TSPAN16: variants seen among roughly 807,000 people sequenced by gnomAD.
TSPAN16 encodes tetraspanin 16.
Under a neutral mutation model 25.2 loss-of-function variants are expected in TSPAN16, and 23 were observed. The ratio of observed to expected loss-of-function variants is 0.91; its 90% CI spans 0.66 to 1.29. The LOEUF is 1.29. Among genes scored for constraint, TSPAN16 ranks in the 50% most tolerant of loss-of-function variants. The pLI, the probability that TSPAN16 is intolerant of heterozygous loss-of-function variation, is 0.00. For missense variants in TSPAN16, 272 were observed against 299.9 expected (o/e 0.91, Z 0.69); for synonymous variants, 123 against 124.4 (o/e 0.99, Z 0.08).
At chr19:11,302,678 T>TACACATACATATATATATATATATATAC (rs2080574104) in intron 4 of TSPAN16, among the ~76,000 whole-genome samples, 41 of 126,542 alleles carry the variant, frequency 3.2e-4, no homozygotes, top group Non-Finnish European at 4.9e-4. Flanking sequence ...TATATATATA[T>TACACATACATATATATATATATATATAC]ACACACACAC....
At chr19:11,303,869 C>T (rs1439368938) in intron 4 of TSPAN16, among the ~76,000 whole-genome samples, 2 of 151,466 alleles carry the variant, frequency 1.3e-5, no homozygotes, top group Non-Finnish European at 2.9e-5. Flanking sequence ...CTGCAACCTC[C>T]GCCTCCTGGG....
intron 6 of TSPAN16, chr19:11,325,378 TG>T: frequency 9.2e-7 from 1 of 1,083,164 alleles, no homozygotes; most frequent in Non-Finnish European, 1.2e-6. Flanking sequence ...GAGGGGTGGG[TG>T]GGGGGTTGGG....
At chr19:11,298,433 C>CT in intron 2 of TSPAN16, 94 bp downstream of exon 2, 5 of 1,236,976 alleles carry the variant, frequency 4.0e-6, no homozygotes, top group Non-Finnish European at 5.5e-6. Flanking sequence ...TTGGTGTCAC[C>CT]TATTTTTTTT....
At position 11,310,428 on chromosome 19, in the gene TSPAN16, T is replaced by C. The variant is rs2147950872; in HGVS notation, c.604-1711T>C. ...TACTTGGGAGGCTGAGGCAGGAGAA[T>C]TGCTTGAACCCGGGAGGCGGAGGTT... On this transcript the variant is annotated intron_variant, in intron 5 of 6. Coordinates refer to ENST00000590327, the MANE Select transcript of TSPAN16 (RefSeq NM_001282509.2). 3.3e-5 allele frequency among the ~76,000 whole-genome samples: 5 copies of C among 151,544 alleles called. No individual in the cohort carries two copies. In the South Asian group the frequency reaches 1.0e-3, roughly 32 times the overall value.
chr19:11,305,920 G>A (rs1407009357), intron 4 of TSPAN16, among the ~76,000 whole-genome samples: 5 of 152,138 alleles, frequency 3.3e-5, no homozygotes, highest in Non-Finnish European at 1.5e-5. Context: ...GTGGAGAGAT[G>A]GGCAAGAAAC....
chr19:11,298,622 C>T (rs1470628606), intron 2 of TSPAN16, among the ~76,000 whole-genome samples: 3 of 151,926 alleles, frequency 2.0e-5, no homozygotes, highest in Non-Finnish European at 2.9e-5. Flanking sequence ...TTAGTAGAGA[C>T]GGGATTTTGC....
At chr19:11,304,564 G>A (rs951649771) in intron 4 of TSPAN16, among the ~76,000 whole-genome samples, 3 of 151,132 alleles carry the variant, frequency 2.0e-5, no homozygotes, top group African/African-American at 4.9e-5. Flanking sequence ...TCGCTCTGTT[G>A]CCCAGGCTGG....
intron 6 of TSPAN16, chr19:11,323,973 C>T (rs1385992152): frequency 1.3e-5 from 2 of 152,184 alleles, no homozygotes; most frequent in Non-Finnish European, 2.9e-5. Context: ...CATCTTCAAA[C>T]TGCACACGTA....
intron 3 of TSPAN16, among the ~76,000 whole-genome samples, chr19:11,300,288 C>G (rs1362745581): frequency 6.6e-6 from 1 of 152,204 alleles, no homozygotes; most frequent in Non-Finnish European, 1.5e-5. Context: ...TAAGGGAAGA[C>G]AGCCCACAAA....
intron 3 of TSPAN16, among the ~76,000 whole-genome samples, chr19:11,299,901 C>T (rs1437768579): frequency 1.3e-5 from 2 of 151,156 alleles, no homozygotes; most frequent in African/African-American, 2.4e-5. Flanking sequence ...CACTTGAACC[C>T]GGGAGCCAGA....
intron 6 of TSPAN16, 53 bp from the exon 7 acceptor site, chr19:11,315,738 T>C (rs1408269873): frequency 3.3e-6 from 4 of 1,210,798 alleles, no homozygotes; most frequent in Non-Finnish European, 4.1e-6. Context: ...AGTATGATTC[T>C]GGTTTGGAGG....
At position 11,315,956 on chromosome 19, in the gene TSPAN16, T is replaced by G. The variant is rs1048020653; in HGVS notation, c.*118T>G. ...GGAGGGGAGACTGTTAATAAAAGAT[T>G]TGGGAACCCCCTGTCCAGCCTGACT... On this transcript the variant is annotated 3_prime_UTR_variant, in exon 7 of 7. Transcript: ENST00000590327. 1.7e-5 allele frequency: 21 copies of G among 1,229,318 alleles called. No homozygotes were observed. The African/African-American group carries it at 3.3e-4, about 19-fold the overall frequency. The allele number at this position is 1,229,318 out of a possible 1,614,324, so 76.2% of individuals were successfully genotyped here.
chr19:11,308,061 T>C (rs560404232), intron 5 of TSPAN16: 2 of 152,338 alleles, frequency 1.3e-5, no homozygotes, highest in South Asian at 2.1e-4. Context: ...GCACTCACTT[T>C]GTGAGTTTTG....
downstream of TSPAN16, among the ~76,000 whole-genome samples, chr19:11,317,733 G>T (rs554273524): frequency 6.6e-6 from 1 of 150,404 alleles, no homozygotes; most frequent in Admixed American, 6.6e-5. Context: ...GACCTCAGGA[G>T]AATTGCTTGA....
At chr19:11,325,726 C>T (rs2080808847) in intron 6 of TSPAN16, 3 of 723,508 alleles carry the variant, frequency 4.1e-6, no homozygotes, top group Non-Finnish European at 6.7e-6. Flanking sequence ...TTTGCCACTC[C>T]AAGCCTCAGT....
At chr19:11,296,413 C>G (rs141343800) in intron 1 of TSPAN16, 47 bp downstream of exon 1, 5 of 1,572,010 alleles carry the variant, frequency 3.2e-6, no homozygotes, top group Non-Finnish European at 4.4e-6. Context: ...AGCCCTTCCT[C>G]CACAGTCAGC....
downstream of TSPAN16, among the ~76,000 whole-genome samples, chr19:11,316,482 G>C (rs2080750258): frequency 6.6e-6 from 1 of 152,072 alleles, no homozygotes; most frequent in South Asian, 2.1e-4. Context: ...CATCCATCCA[G>C]AGAAACATAC....
intron 4 of TSPAN16, among the ~76,000 whole-genome samples, chr19:11,302,103 C>T (rs1307503907): frequency 3.3e-5 from 5 of 152,102 alleles, no homozygotes; most frequent in African/African-American, 4.8e-5. Context: ...GGATTATAGG[C>T]GTGAGCCACC....
chr19:11,297,253 G>A (rs1217420760), intron 1 of TSPAN16, among the ~76,000 whole-genome samples: 1 of 152,068 alleles, frequency 6.6e-6, no homozygotes, highest in African/African-American at 2.4e-5. Context: ...CATTGAGCCA[G>A]GAGCTCGAGA....
Sources: gnomAD v4.1 joint callset for allele counts (sites outside exome capture counted in the v4.1 genomes callset) on GRCh38, gnomAD v4.1.1 for gene constraint, MANE v1.5 for transcripts, NCBI Gene and HGNC (gene_info 2026-07-23, HGNC 2026-07-21) for gene names.